ERI1: variants seen among roughly 807,000 people sequenced by gnomAD.
ERI1 encodes the protein 3'-5' exoribonuclease 1.
In ERI1, 39 loss-of-function variants were observed where a neutral mutation model predicts 39.7. The ratio of observed to expected loss-of-function variants is 0.98; its 90% CI spans 0.76 to 1.28. The LOEUF is 1.28. ERI1 is among the 50% of genes most tolerant of loss of function. The pLI, the probability that ERI1 is intolerant of heterozygous loss-of-function variation, is 0.00. For missense variants in ERI1, 581 were observed against 416.9 expected (o/e 1.39, Z -3.43); for synonymous variants, 204 against 149.6 (o/e 1.36, Z -2.65).
chr8:9,067,938 A>G (rs143277444), intron 3 of ERI1, among the ~76,000 whole-genome samples: 132 of 152,006 alleles, frequency 8.7e-4, no homozygotes, highest in African/African-American at 3.0e-3. Flanking sequence ...ACACACACAC[A>G]CACACATATA....
intron 6 of ERI1, among the ~76,000 whole-genome samples, chr8:9,021,306 A>G (rs923899386): frequency 2.6e-5 from 4 of 152,154 alleles, no homozygotes; most frequent in Non-Finnish European, 4.4e-5. Context: ...CTTGCAGACT[A>G]TCTTCCTGGA....
At chr8:9,068,363 G>A (rs943544522) in intron 3 of ERI1, among the ~76,000 whole-genome samples, 2 of 152,152 alleles carry the variant, frequency 1.3e-5, no homozygotes, top group African/African-American at 4.8e-5. Context: ...TGGAGACAGA[G>A]TCTCATTCTG....
At chr8:9,080,170 T>C (rs1238858353) in intron 3 of ERI1, among the ~76,000 whole-genome samples, 1 of 152,186 alleles carries the variant, frequency 6.6e-6, no homozygotes, top group Non-Finnish European at 1.5e-5. Flanking sequence ...CTTGTGGTAA[T>C]AGAAAGCAGT....
chr8:9,004,485 CTTTTTT>C (rs71201904), intron 1 of ERI1, among the ~76,000 whole-genome samples: 70 of 78,304 alleles, frequency 8.9e-4, no homozygotes, highest in African/African-American at 2.3e-3. Flanking sequence ...TATAGTGATA[CTTTTTT>C]TTTTTTTTTT....
intron 1 of ERI1, among the ~76,000 whole-genome samples, chr8:9,005,801 C>G (rs1283883071): frequency 6.6e-6 from 1 of 152,162 alleles, no homozygotes; most frequent in Non-Finnish European, 1.5e-5. Flanking sequence ...GCCTCAACGA[C>G]AGTTTTAAAG....
chr8:9,015,722 C>CAA (rs758835506), intron 3 of ERI1, among the ~76,000 whole-genome samples: 8,687 of 56,420 alleles, frequency 0.15, 640 homozygotes, highest in African/African-American at 0.17. Flanking sequence ...ACTCTGTCTC[C>CAA]AAAAAAAAAA....
At chr8:9,040,430 A>AG (rs1797980288) in intron 3 of ERI1, among the ~76,000 whole-genome samples, 3 of 152,222 alleles carry the variant, frequency 2.0e-5, no homozygotes, top group South Asian at 4.1e-4. Context: ...GCCTTGGGGC[A>AG]GCAGTGCCAA....
intron 3 of ERI1, among the ~76,000 whole-genome samples, chr8:9,015,722 C>CAAAAAAAAAAAAAAAAAAAAAA (rs758835506): frequency 8.8e-5 from 5 of 56,576 alleles, no homozygotes; most frequent in African/African-American, 4.1e-4. Flanking sequence ...ACTCTGTCTC[C>CAAAAAAAAAAAAAAAAAAAAAA]AAAAAAAAAA....
chr8:9,040,793 A>G (rs1158072893), intron 3 of ERI1, among the ~76,000 whole-genome samples: 1 of 151,924 alleles, frequency 6.6e-6, no homozygotes, highest in Non-Finnish European at 1.5e-5. Flanking sequence ...CTTAGCGCTG[A>G]CAAAACGAAC....
At chr8:9,018,164 C>T in intron 4 of ERI1, 133 bp from the exon 5 acceptor site, 2 of 520,398 alleles carry the variant, frequency 3.8e-6, no homozygotes, top group East Asian at 3.0e-5. Context: ...GGAGCTAAGC[C>T]AAGGAAACCA....
At chr8:9,075,700 G>A (rs940377470) in intron 3 of ERI1, among the ~76,000 whole-genome samples, 1 of 151,812 alleles carries the variant, frequency 6.6e-6, no homozygotes, top group Non-Finnish European at 1.5e-5. Context: ...TCAGGCTCAG[G>A]GAAAATGAAC....
At chr8:9,039,685 A>G (rs1585251361) in intron 3 of ERI1, among the ~76,000 whole-genome samples, 1 of 152,156 alleles carries the variant, frequency 6.6e-6, no homozygotes, top group African/African-American at 2.4e-5. Context: ...AGAATCAAAT[A>G]AAATTCTTTA....
intron 3 of ERI1, chr8:9,091,499 C>G (rs1373431236): frequency 7.5e-6 from 1 of 134,076 alleles, no homozygotes; most frequent in Non-Finnish European, 1.6e-5. Flanking sequence ...CAGAGCGAGA[C>G]TCTGTCTCAA....
At chr8:9,077,323 A>G (rs1360838745) in intron 3 of ERI1, among the ~76,000 whole-genome samples, 1 of 152,208 alleles carries the variant, frequency 6.6e-6, no homozygotes, top group African/African-American at 2.4e-5. Context: ...AAACCTATGT[A>G]GAGGCAAAGG....
Position 9,011,631 on chromosome 8 carries a change from A to G in ERI1, c.377A>G (p.Tyr126Cys). Residue 126 changes from tyrosine to cysteine, a missense_variant, in exon 3 of 7, where the codon TAT becomes TGT. Transcript: ENST00000250263. ...AAAGAGAGCAATTTTGCTGACAGTTATTATGACTACATTTGTATTATTGAC... is the reference window on the plus strand; with the variant it reads ...AAAGAGAGCAATTTTGCTGACAGTTGTTATGACTACATTTGTATTATTGAC... ...MLKESNFADS[Y>C]YDYICIIDFE... 1 of 1,613,664 alleles carries G rather than the reference A, an allele frequency of 6.2e-7. No homozygotes were observed. Among genetic ancestry groups the G allele is most frequent in the East Asian group, 2.2e-5 (1 of 44,854 alleles).
In ERI1 at chr8:9,067,935, C is replaced by T. The variant is rs79738082; in HGVS notation, n.299+47471C>T. ...GTTATGCTACAAATACACACACACACACACACACATATATGTATATACACA... is the reference window on the plus strand; with the variant it reads ...GTTATGCTACAAATACACACACACATACACACACATATATGTATATACACA... On this transcript the variant is annotated intron_variant and non_coding_transcript_variant, in intron 3 of 3. Coordinates refer to the ERI1 transcript ENST00000518663. 5.4e-3 allele frequency among the ~76,000 whole-genome samples: 814 copies of T among 151,968 alleles called. 57 individuals are homozygous for T. The East Asian group carries it at 0.14, about 26-fold the overall frequency.
intron 3 of ERI1, among the ~76,000 whole-genome samples, chr8:9,046,707 A>G (rs548276964): frequency 5.3e-5 from 8 of 152,360 alleles, no homozygotes; most frequent in African/African-American, 1.9e-4. Context: ...TGAGTCTTTT[A>G]TGCAGCTATT....
Position 9,015,751 on chromosome 8 carries a change from G to A in ERI1, c.499-571G>A, listed in dbSNP as rs143560738. ...AAAAAAAAAAAAAAAAGAGACCATCGTGAAAGCTTCTTGAAAAGATTCAAC... is the reference window on the plus strand; with the variant it reads ...AAAAAAAAAAAAAAAAGAGACCATCATGAAAGCTTCTTGAAAAGATTCAAC... On this transcript the variant is annotated intron_variant, in intron 3 of 6. Transcript: ENST00000250263. Among the ~76,000 whole-genome samples, 941 of 139,944 alleles carry A rather than the reference G, an allele frequency of 6.7e-3. 11 individuals carry two copies. Among genetic ancestry groups the A allele is most frequent in the African/African-American group, 0.025 (879 of 34,982 alleles). The allele number at this position is 139,944 out of a possible 152,430, so 91.8% of individuals were successfully genotyped here.
intron 3 of ERI1, among the ~76,000 whole-genome samples, chr8:9,069,825 A>G (rs570395782): frequency 5.9e-5 from 9 of 152,386 alleles, no homozygotes; most frequent in Admixed American, 3.9e-4. Flanking sequence ...TGATTATACT[A>G]TTGAACATAT....
Sources: gnomAD v4.1 joint callset for allele counts (sites outside exome capture counted in the v4.1 genomes callset) on GRCh38, gnomAD v4.1.1 for gene constraint, MANE v1.5 for transcripts, NCBI Gene and HGNC (gene_info 2026-07-23, HGNC 2026-07-21) for gene names.